METTL15: variants seen among roughly 807,000 people sequenced by gnomAD.
METTL15 encodes the protein methyltransferase 15, mitochondrial 12S rRNA N4-cytidine.
Under a neutral mutation model 38.3 loss-of-function variants are expected in METTL15, and 34 were observed. That is an observed-to-expected ratio of 0.89 (90% confidence interval 0.68 to 1.18). The LOEUF (loss-of-function observed/expected upper bound fraction) is 1.18. METTL15 is among the 50% of genes most tolerant of loss of function. METTL15 has a pLI of 0.00. For synonymous variants in METTL15, 162 were observed against 170.9 expected (o/e 0.95, Z 0.41); for missense variants, 438 against 498.4 (o/e 0.88, Z 1.15).
chr11:28,159,885 T>G (rs1024803491), intron 3 of METTL15, among the ~76,000 whole-genome samples: 1 of 152,178 alleles, frequency 6.6e-6, no homozygotes, highest in Non-Finnish European at 1.5e-5. Context: ...AGGGGTGGAC[T>G]TACTTTGGTT....
At chr11:28,379,562 T>C (rs1850359049) in intron 5 of METTL15, among the ~76,000 whole-genome samples, 2 of 152,310 alleles carry the variant, frequency 1.3e-5, no homozygotes, top group South Asian at 4.1e-4. Context: ...TCCATTGTTA[T>C]CAGAAAAGAT....
chr11:28,296,724 G>T lies in METTL15; in HGVS notation c.600-29G>T, dbSNP rs926654026. 2.5e-6 allele frequency: 4 copies of T among 1,609,568 alleles called. No individual in the cohort carries two copies. The African/African-American group carries it at 5.3e-5, about 22-fold the overall frequency. ...GTCTTGTCAATGAGAACTGATGTCAGTGAACTAATTGGCTCTTCTTGTGCG... is the reference window on the plus strand; with the variant it reads ...GTCTTGTCAATGAGAACTGATGTCATTGAACTAATTGGCTCTTCTTGTGCG... On this transcript the variant is annotated intron_variant, in intron 5 of 6. Transcript: ENST00000407364.
intron 4 of METTL15, among the ~76,000 whole-genome samples, chr11:28,355,597 A>G (rs1414625690): frequency 1.3e-5 from 2 of 152,254 alleles, no homozygotes; most frequent in African/African-American, 4.8e-5. Context: ...ATTAAAAACA[A>G]TACAGTATAA....
At chr11:28,476,413 AC>A (rs1296685152) in intron 6 of METTL15, among the ~76,000 whole-genome samples, 2 of 152,160 alleles carry the variant, frequency 1.3e-5, no homozygotes, top group Non-Finnish European at 2.9e-5. Context: ...CTCTAACAAG[AC>A]CACCAGAATT....
chr11:28,296,434 AT>A (rs1438100201), intron 5 of METTL15, among the ~76,000 whole-genome samples: 1 of 152,048 alleles, frequency 6.6e-6, no homozygotes, highest in Non-Finnish European at 1.5e-5. Context: ...AAATCTAACC[AT>A]TTTTCATTGT....
chr11:28,122,329 G>A (rs895315834), intron 3 of METTL15: 5 of 160,914 alleles, frequency 3.1e-5, no homozygotes, highest in Admixed American at 2.4e-4. Context: ...ATAGATGTGT[G>A]TATATGTGTG....
At chr11:28,303,695 TA>T (rs1290882476) in intron 6 of METTL15, among the ~76,000 whole-genome samples, 1 of 152,092 alleles carries the variant, frequency 6.6e-6, no homozygotes, top group Non-Finnish European at 1.5e-5. Context: ...AATAAATCAA[TA>T]AAAGGATACG....
chr11:28,339,843 A>G (rs1455969793), intron 3 of METTL15, among the ~76,000 whole-genome samples: 2 of 152,170 alleles, frequency 1.3e-5, no homozygotes, highest in Non-Finnish European at 2.9e-5. Context: ...AGCCATGAGG[A>G]GGAGAAAGTA....
intron 5 of METTL15, among the ~76,000 whole-genome samples, chr11:28,368,097 G>T (rs1850204529): frequency 1.6e-5 from 1 of 63,686 alleles, no homozygotes; most frequent in African/African-American, 5.7e-5. Flanking sequence ...AGACAAATGG[G>T]ATCTAATTAA....
intron 6 of METTL15, among the ~76,000 whole-genome samples, chr11:28,318,367 A>T (rs1849344227): frequency 6.6e-6 from 1 of 150,756 alleles, no homozygotes. Context: ...ATTTGATTTT[A>T]TATATATATA....
intron 6 of METTL15, among the ~76,000 whole-genome samples, chr11:28,465,713 C>G (rs921949107): frequency 3.9e-5 from 6 of 152,116 alleles, no homozygotes; most frequent in Non-Finnish European, 8.8e-5. Flanking sequence ...TCATCTGTTT[C>G]TCTCCTGATT....
intron 4 of METTL15, among the ~76,000 whole-genome samples, chr11:28,250,653 G>T (rs749082516): frequency 2.0e-5 from 3 of 151,900 alleles, no homozygotes; most frequent in Non-Finnish European, 4.4e-5. Context: ...TCCAGAGGCA[G>T]TGTGCATGGC....
chr11:28,281,290 C>T (rs775917345), intron 4 of METTL15, among the ~76,000 whole-genome samples: 1 of 152,198 alleles, frequency 6.6e-6, no homozygotes, highest in African/African-American at 2.4e-5. Context: ...AGAGCCCCAT[C>T]TGAAATTCTG....
chr11:28,336,687 A>T (rs1849903745), downstream of METTL15, among the ~76,000 whole-genome samples: 1 of 152,212 alleles, frequency 6.6e-6, no homozygotes, highest in Admixed American at 6.5e-5. Context: ...AACCATTGTA[A>T]CATCACAGGG....
At chr11:28,440,971 C>A (rs1215619751) in intron 6 of METTL15, among the ~76,000 whole-genome samples, 2 of 151,698 alleles carry the variant, frequency 1.3e-5, no homozygotes, top group Admixed American at 1.3e-4. Flanking sequence ...GTATAAAATT[C>A]ACATTGGATT....
intron 6 of METTL15, among the ~76,000 whole-genome samples, chr11:28,518,293 C>A (rs1490294665): frequency 6.6e-6 from 1 of 152,180 alleles, no homozygotes; most frequent in Non-Finnish European, 1.5e-5. Context: ...TGGGAAGGAA[C>A]TATCCTGGTT....
chr11:28,379,600 C>G (rs1850359610), intron 5 of METTL15, among the ~76,000 whole-genome samples: 1 of 152,050 alleles, frequency 6.6e-6, no homozygotes, highest in East Asian at 1.9e-4. Flanking sequence ...CTTTTTATAA[C>G]TTCTTTGAAC....
intron 4 of METTL15, among the ~76,000 whole-genome samples, chr11:28,241,388 G>T (rs1854285251): frequency 6.6e-6 from 1 of 151,994 alleles, no homozygotes; most frequent in African/African-American, 2.4e-5. Context: ...AAAAAAATTA[G>T]CTGGGCATGG....
At chr11:28,248,936 C>T (rs1323501035) in intron 4 of METTL15, among the ~76,000 whole-genome samples, 1 of 151,974 alleles carries the variant, frequency 6.6e-6, no homozygotes, top group Non-Finnish European at 1.5e-5. Context: ...TTTTTTCAGA[C>T]TGCTCTGTCT....
Sources: gnomAD v4.1 joint callset for allele counts (sites outside exome capture counted in the v4.1 genomes callset) on GRCh38, gnomAD v4.1.1 for gene constraint, MANE v1.5 for transcripts, NCBI Gene and HGNC (gene_info 2026-07-23, HGNC 2026-07-21) for gene names.